The following APBB2 variants were observed in gnomAD, a reference collection of about 807,000 sequenced individuals.
The protein encoded by APBB2 is Fe65-like 1.
Under a neutral mutation model 82.5 loss-of-function variants are expected in APBB2, and 38 were observed. That is an observed-to-expected ratio of 0.46 (90% CI 0.36 to 0.60). APBB2 has a LOEUF of 0.60. Ranked by LOEUF, APBB2 falls within the 20% of genes least tolerant of loss-of-function variation. APBB2 has a pLI of 0.00. For synonymous variants in APBB2, 341 were observed against 368.2 expected (o/e 0.93, Z 0.85); for missense variants, 772 against 972.3 (o/e 0.79, Z 2.74).
intron 12 of APBB2, among the ~76,000 whole-genome samples, chr4:40,850,560 T>A (rs575509333): frequency 6.6e-6 from 1 of 152,078 alleles, no homozygotes; most frequent in African/African-American, 2.4e-5. Context: ...CAAATTATGA[T>A]CCCCCCAAAT....
chr4:40,821,822 A>T (rs1748046529), intron 17 of APBB2, 49 bp downstream of exon 17: 1 of 1,600,716 alleles, frequency 6.2e-7, no homozygotes, highest in Admixed American at 1.7e-5. Flanking sequence ...GGCATATTAG[A>T]GATGAGCAGA....
intron 6 of APBB2, among the ~76,000 whole-genome samples, chr4:41,006,759 C>T (rs919066553): frequency 6.6e-6 from 1 of 152,154 alleles, no homozygotes; most frequent in Non-Finnish European, 1.5e-5. Flanking sequence ...AGCCACCGCG[C>T]CCAGCCATGG....
At chr4:41,011,543 G>A (rs1325267411) in intron 6 of APBB2, among the ~76,000 whole-genome samples, 1 of 152,136 alleles carries the variant, frequency 6.6e-6, no homozygotes, top group Non-Finnish European at 1.5e-5. Flanking sequence ...CAATTCTTGT[G>A]CCTCAGCCTC....
chr4:40,842,982 A>G (rs1274911219), intron 12 of APBB2, among the ~76,000 whole-genome samples: 1 of 152,122 alleles, frequency 6.6e-6, no homozygotes, highest in Non-Finnish European at 1.5e-5. Flanking sequence ...AATGGAACGG[A>G]GAGAGGAACA....
At chr4:41,194,220 G>A in intron 1 of APBB2, 1 of 152,166 alleles carries the variant, frequency 6.6e-6, no homozygotes, top group Non-Finnish European at 1.5e-5. Flanking sequence ...TACTCCGGGG[G>A]CTGAGGCAGG....
rs1302541313 is a variant in APBB2, at chr4:40,822,309, C to T, written c.1933-259G>A. 6.7e-5 allele frequency: 28 copies of T among 415,408 alleles called. 1 individual carries two copies. Among genetic ancestry groups the T allele is most frequent in the Non-Finnish European group, 8.3e-5 (19 of 228,674 alleles). 25.7% of individuals were successfully genotyped at this position (415,408 alleles called of 1,614,324 possible). On this transcript the variant is annotated intron_variant, in intron 16 of 17. Transcript: ENST00000508593. ...GTGGGTCCCATTCTCCATTATGCTA[C>T]GTGGCTGTGAGTTCACTGTGGGGAG... is the stretch of plus-strand genomic sequence containing the variant.
intron 8 of APBB2, 32 bp from the exon 9 acceptor site, chr4:40,934,731 AT>A: frequency 6.8e-7 from 1 of 1,479,500 alleles, no homozygotes; most frequent in Non-Finnish European, 9.4e-7. Flanking sequence ...TTAATGTACA[AT>A]GGGGGAGAAG....
At chr4:41,190,860 C>T (rs940235646) in intron 1 of APBB2, among the ~76,000 whole-genome samples, 1 of 152,182 alleles carries the variant, frequency 6.6e-6, no homozygotes, top group African/African-American at 2.4e-5. Flanking sequence ...AAAGCTAATC[C>T]TCTACTTCTG....
chr4:40,824,442 G>A (rs1243741124), intron 15 of APBB2, among the ~76,000 whole-genome samples: 1 of 152,196 alleles, frequency 6.6e-6, no homozygotes, highest in African/African-American at 2.4e-5. Flanking sequence ...CACGTAAAGT[G>A]TGCAATCCAG....
At chr4:41,181,278 T>G (rs1289622024) in intron 1 of APBB2, among the ~76,000 whole-genome samples, 1 of 152,192 alleles carries the variant, frequency 6.6e-6, no homozygotes, top group Non-Finnish European at 1.5e-5. Context: ...AGGGCCCTTT[T>G]GTTTCACGCT....
chr4:41,114,620 A>C (rs1750338925), intron 2 of APBB2, among the ~76,000 whole-genome samples: 1 of 152,238 alleles, frequency 6.6e-6, no homozygotes, highest in Admixed American at 6.5e-5. Context: ...CAACTTCCAC[A>C]AAGTCTCAGG....
At chr4:41,052,188 C>G (rs1381184330) in intron 4 of APBB2, among the ~76,000 whole-genome samples, 1 of 146,282 alleles carries the variant, frequency 6.8e-6, no homozygotes, top group African/African-American at 2.5e-5. Context: ...GGCAACATAG[C>G]AAGACCTTGT....
In APBB2 at chr4:40,914,512, A is replaced by C. The variant is rs201940975; in HGVS notation, c.1254+19944T>G. ...GGTTGCAGTGAGCCGACATCGCGCC[A>C]TTGCACTCCAGCCTGGGCAACAAGA... On this transcript the variant is annotated intron_variant, in intron 10 of 17. Transcript: ENST00000508593. Among the ~76,000 whole-genome samples, 5 of 152,224 alleles carry C rather than the reference A, an allele frequency of 3.3e-5. No homozygotes were observed. In the East Asian group the frequency reaches 9.6e-4, roughly 29 times the overall value.
At chr4:41,166,529 G>C (rs1766663778) in intron 1 of APBB2, among the ~76,000 whole-genome samples, 1 of 150,576 alleles carries the variant, frequency 6.6e-6, no homozygotes, top group Admixed American at 6.6e-5. Flanking sequence ...AGTGAGCCAA[G>C]ATTGCACCAC....
At chr4:41,134,642 A>T (rs113776713) in intron 2 of APBB2, among the ~76,000 whole-genome samples, 13 of 152,270 alleles carry the variant, frequency 8.5e-5, no homozygotes, top group African/African-American at 3.1e-4. Flanking sequence ...GATCTCTCCA[A>T]TCCTGAGCTT....
intron 6 of APBB2, among the ~76,000 whole-genome samples, chr4:40,965,774 G>C (rs1794534099): frequency 6.6e-6 from 1 of 152,168 alleles, no homozygotes; most frequent in African/African-American, 2.4e-5. Context: ...AGAGGTTCAA[G>C]AGAGATTCTT....
At position 40,982,397 on chromosome 4, in the gene APBB2, A is replaced by AAGG. The variant is rs1560449287; in HGVS notation, c.835+31185_835+31186insCCT. On this transcript the variant is annotated intron_variant, in intron 6 of 17. Coordinates refer to ENST00000508593, the MANE Select transcript of APBB2 (RefSeq NM_004307.2). Reference sequence around the variant, plus strand: ...AAGGAAGGAAGGAAGGAAGGAAAGGAAAGGAAAGAAAGAAAGAAAGAAAGA... The same window carrying AAGG: ...AAGGAAGGAAGGAAGGAAGGAAAGGAAGGAAGGAAAGAAAGAAAGAAAGAAAGA... 3.2e-4 allele frequency among the ~76,000 whole-genome samples: 13 copies of AAGG among 41,102 alleles called. No homozygotes were observed. The East Asian group carries it at 4.5e-3, about 14-fold the overall frequency. 27.0% of individuals were successfully genotyped at this position (41,102 alleles called of 152,430 possible).
chr4:40,893,096 G>A (rs994877050), intron 11 of APBB2, 169 bp downstream of exon 11: 27 of 696,638 alleles, frequency 3.9e-5, no homozygotes, highest in Non-Finnish European at 5.0e-5. Flanking sequence ...GCAGTGCTAA[G>A]GGATCAGTCA....
chr4:40,982,001 A>G (rs565710445), intron 6 of APBB2, among the ~76,000 whole-genome samples: 2 of 151,360 alleles, frequency 1.3e-5, no homozygotes, highest in Non-Finnish European at 2.9e-5. Context: ...CCTGGCCAAC[A>G]TGGTGAAACC....
Sources: allele counts gnomAD v4.1 joint callset (sites outside exome capture counted in the v4.1 genomes callset), GRCh38; gene constraint gnomAD v4.1.1; transcripts MANE v1.5; gene names NCBI Gene and HGNC (gene_info 2026-07-23, HGNC 2026-07-21).